The following ANKS1B variants were observed in gnomAD, a reference collection of about 807,000 sequenced individuals.
ANKS1B encodes ankyrin repeat and sterile alpha motif domain-containing protein 1B.
A neutral mutation model predicts 148.3 loss-of-function variants in ANKS1B; 36 were observed. The observed-to-expected ratio is 0.24, with a 90% CI of 0.19 to 0.32. The LOEUF (loss-of-function observed/expected upper bound fraction) is 0.32, where lower values mean the gene tolerates loss of function less well. ANKS1B is among the 10% of genes least tolerant of loss of function. The pLI is 1.00. For missense variants in ANKS1B, 1,157 were observed against 1,542.6 expected (o/e 0.75, Z 4.19); for synonymous variants, 542 against 560.8 (o/e 0.97, Z 0.47).
chr12:99,703,928 C>A (rs1174514388), intron 8 of ANKS1B, among the ~76,000 whole-genome samples: 2 of 152,054 alleles, frequency 1.3e-5, no homozygotes, highest in Admixed American at 1.3e-4. Context: ...TATGATCAGT[C>A]TCTGAATAAT....
intron 17 of ANKS1B, among the ~76,000 whole-genome samples, chr12:99,003,272 C>T (rs954737913): frequency 1.3e-5 from 2 of 152,098 alleles, no homozygotes; most frequent in African/African-American, 4.8e-5. Flanking sequence ...AGTGTGATGC[C>T]TCTAGCTTTG....
chr12:99,651,929 T>C (rs922189448), intron 9 of ANKS1B, among the ~76,000 whole-genome samples: 5 of 151,728 alleles, frequency 3.3e-5, no homozygotes, highest in African/African-American at 1.2e-4. Context: ...ACTATATATA[T>C]GTACAAATAT....
intron 12 of ANKS1B, among the ~76,000 whole-genome samples, chr12:99,312,883 T>A (rs1441217611): frequency 6.6e-6 from 1 of 151,732 alleles, no homozygotes; most frequent in African/African-American, 2.4e-5. Context: ...AAGAGTAAAT[T>A]AATCCAAAAA....
At chr12:99,066,465 T>C (rs185160654) in intron 16 of ANKS1B, among the ~76,000 whole-genome samples, 8 of 152,236 alleles carry the variant, frequency 5.3e-5, no homozygotes, top group Admixed American at 4.6e-4. Context: ...CCAATGGGGT[T>C]GGAGCAGTGT....
Position 99,439,215 on chromosome 12 carries a change from GA to G in ANKS1B, c.1575+4457del, listed in dbSNP as rs568963053. 1.7e-3 allele frequency among the ~76,000 whole-genome samples: 264 copies of G among 151,658 alleles called. 1 individual carries two copies. Among genetic ancestry groups the G allele is most frequent in the African/African-American group, 6.1e-3 (252 of 41,428 alleles). ...GACCTAAATATAAAAACCAGAACGA[GA>G]AAACTTCTAGAAAAAAGTGGGAGCA... is the stretch of plus-strand genomic sequence containing the variant. On this transcript the variant is annotated intron_variant, in intron 11 of 26. Coordinates refer to ENST00000683438, the MANE Select transcript of ANKS1B (RefSeq NM_001352186.2).
chr12:99,184,008 A>T (rs1275274472), intron 14 of ANKS1B, among the ~76,000 whole-genome samples: 1 of 152,238 alleles, frequency 6.6e-6, no homozygotes, highest in Non-Finnish European at 1.5e-5. Context: ...ATCAAATATA[A>T]AAAAGACATA....
At chr12:99,960,634 A>G (rs533423817) in intron 1 of ANKS1B, among the ~76,000 whole-genome samples, 3 of 152,316 alleles carry the variant, frequency 2.0e-5, no homozygotes, top group African/African-American at 7.2e-5. Flanking sequence ...AATCTGTAGA[A>G]ACTTGCAACT....
chr12:99,712,331 C>T (rs1450359615), intron 8 of ANKS1B, among the ~76,000 whole-genome samples: 5 of 152,114 alleles, frequency 3.3e-5, no homozygotes, highest in Non-Finnish European at 5.9e-5. Flanking sequence ...ATAACCAGAA[C>T]CTGTGAATAT....
At chr12:99,605,248 T>C (rs534382004) in intron 9 of ANKS1B, among the ~76,000 whole-genome samples, 6 of 152,262 alleles carry the variant, frequency 3.9e-5, no homozygotes, top group East Asian at 1.9e-4. Context: ...GGAGTGTACA[T>C]TGCATATATA....
At chr12:98,808,001 G>A in intron 19 of ANKS1B, 83 bp from the exon 20 acceptor site, 2 of 1,064,794 alleles carry the variant, frequency 1.9e-6, no homozygotes, top group Admixed American at 2.6e-5. Flanking sequence ...AGGAAAAGAG[G>A]AAAATAATAA....
At chr12:99,613,527 A>G (rs1034090918) in intron 9 of ANKS1B, among the ~76,000 whole-genome samples, 16 of 152,120 alleles carry the variant, frequency 1.1e-4, no homozygotes, top group Non-Finnish European at 2.4e-4. Flanking sequence ...AGCCATAAAA[A>G]AAGAATGAGA....
chr12:99,490,535 A>T (rs2096545174), intron 10 of ANKS1B, among the ~76,000 whole-genome samples: 1 of 152,246 alleles, frequency 6.6e-6, no homozygotes, highest in Non-Finnish European at 1.5e-5. Context: ...CAAAAATAAC[A>T]CCTAAGAATA....
At chr12:99,516,827 T>C (rs959866684) in intron 9 of ANKS1B, among the ~76,000 whole-genome samples, 2 of 152,140 alleles carry the variant, frequency 1.3e-5, no homozygotes, top group Admixed American at 6.5e-5. Flanking sequence ...TCACTGTAGA[T>C]GTGTGGATTT....
chr12:99,358,068 A>AT (rs1039795513), intron 12 of ANKS1B, among the ~76,000 whole-genome samples: 2 of 151,596 alleles, frequency 1.3e-5, no homozygotes, highest in Non-Finnish European at 2.9e-5. Context: ...TTTCTTACTA[A>AT]TTTTTAGGAA....
chr12:99,342,497 T>C (rs1371637020), intron 12 of ANKS1B, among the ~76,000 whole-genome samples: 1 of 152,048 alleles, frequency 6.6e-6, no homozygotes, highest in Non-Finnish European at 1.5e-5. Flanking sequence ...CCAATGTTCA[T>C]TGAATGAATA....
chr12:99,206,752 T>C (rs938328401), intron 14 of ANKS1B, among the ~76,000 whole-genome samples: 1 of 152,206 alleles, frequency 6.6e-6, no homozygotes, highest in Non-Finnish European at 1.5e-5. Flanking sequence ...GAGTCAGTAA[T>C]GTAGTTAAGA....
intron 14 of ANKS1B, among the ~76,000 whole-genome samples, chr12:99,183,331 A>C (rs1358009819): frequency 2.6e-5 from 4 of 152,186 alleles, no homozygotes; most frequent in African/African-American, 9.7e-5. Context: ...ATCAGATAAC[A>C]AAAGGAATAA....
intron 19 of ANKS1B, among the ~76,000 whole-genome samples, chr12:98,813,532 G>GT (rs556740074): frequency 0.027 from 3,790 of 141,362 alleles, 91 homozygotes; most frequent in East Asian, 0.097. Flanking sequence ...TTTAAGTTTT[G>GT]TTTTTTTTTT....
chr12:98,936,163 T>C (rs1163941888), intron 17 of ANKS1B, among the ~76,000 whole-genome samples: 1 of 152,240 alleles, frequency 6.6e-6, no homozygotes, highest in East Asian at 1.9e-4. Context: ...TTAGTACTCA[T>C]ACCAGTCTTA....
Sources: gnomAD v4.1 joint callset for allele counts (sites outside exome capture counted in the v4.1 genomes callset) on GRCh38, gnomAD v4.1.1 for gene constraint, MANE v1.5 for transcripts, NCBI Gene and HGNC (gene_info 2026-07-23, HGNC 2026-07-21) for gene names.